DOP1A: variants seen among roughly 807,000 people sequenced by gnomAD.
DOP1A encodes DOP1 leucine zipper like protein A.
DOP1A carries 90 observed loss-of-function variants against 267.6 expected under a neutral mutation model. That is an observed-to-expected ratio of 0.34 (90% CI 0.28 to 0.40). DOP1A has a LOEUF of 0.40. DOP1A is among the 10% of genes least tolerant of loss of function. DOP1A has a pLI of 1.00. For synonymous variants in DOP1A, 932 were observed against 999.1 expected (o/e 0.93, Z 1.27); for missense variants, 2,437 against 2,900.4 (o/e 0.84, Z 3.67).
downstream of DOP1A, chr6:83,171,294 A>G (rs1481007143): frequency 6.6e-6 from 1 of 152,120 alleles, no homozygotes; most frequent in African/African-American, 2.4e-5. Flanking sequence ...ATTTATATCT[A>G]TTTTTAATTT....
intron 1 of DOP1A, among the ~76,000 whole-genome samples, chr6:83,096,255 T>G (rs1389651404): frequency 1.3e-5 from 2 of 151,586 alleles, no homozygotes; most frequent in African/African-American, 4.9e-5. Flanking sequence ...GGCTAATTTT[T>G]ATTTTTTTTA....
At chr6:83,165,121 G>A (rs576845634) in intron 38 of DOP1A, 13 of 159,156 alleles carry the variant, frequency 8.2e-5, no homozygotes, top group Non-Finnish European at 1.5e-4. Context: ...ATCTCTGTAC[G>A]CCCTTTATTG....
At chr6:83,098,110 CTT>C (rs1472534587) in intron 3 of DOP1A, among the ~76,000 whole-genome samples, 1 of 151,964 alleles carries the variant, frequency 6.6e-6, no homozygotes, top group Non-Finnish European at 1.5e-5. Flanking sequence ...GTCTTGAACT[CTT>C]GGCCTCAAAT....
rs144188690 is a variant in DOP1A, at chr6:83,160,974, C to CAT, written c.6962+1029_6962+1030dup. On this transcript the variant is annotated intron_variant, in intron 37 of 38. Coordinates refer to ENST00000349129, the MANE Select transcript of DOP1A (RefSeq NM_015018.4). ...TTAATTTTCTCTTCTACTTGAAAAC[C>CAT]ATATATATATATATATCTACTTTTT... 1.9e-3 allele frequency among the ~76,000 whole-genome samples: 289 copies of CAT among 149,568 alleles called. 1 individual carries two copies. The highest frequency in any genetic ancestry group is 4.1e-3 in the East Asian group (21 of 5,116).
chr6:83,149,396 G>A (rs999510555), intron 27 of DOP1A, among the ~76,000 whole-genome samples: 2 of 152,192 alleles, frequency 1.3e-5, no homozygotes, highest in African/African-American at 4.8e-5. Flanking sequence ...TAGGTCCCCA[G>A]TAAATACTTG....
intron 26 of DOP1A, 86 bp downstream of exon 26, chr6:83,147,377 G>C: frequency 1.5e-6 from 1 of 646,892 alleles, no homozygotes; most frequent in South Asian, 4.3e-5. Context: ...TAAGTAATGA[G>C]TGTCTTAACG....
intron 3 of DOP1A, among the ~76,000 whole-genome samples, chr6:83,100,363 A>C (rs1772353058): frequency 6.6e-6 from 1 of 152,156 alleles, no homozygotes; most frequent in Admixed American, 6.5e-5. Context: ...TCCATGTTAC[A>C]TGTTCATGTA....
intron 20 of DOP1A, among the ~76,000 whole-genome samples, chr6:83,136,118 C>T (rs1778830789): frequency 6.6e-6 from 1 of 152,056 alleles, no homozygotes; most frequent in Non-Finnish European, 1.5e-5. Context: ...AGGCACAGCT[C>T]TGATTAGAGA....
intron 7 of DOP1A, among the ~76,000 whole-genome samples, chr6:83,115,688 G>T (rs1212558753): frequency 6.6e-6 from 1 of 152,176 alleles, no homozygotes; most frequent in Admixed American, 6.5e-5. Flanking sequence ...TCGTGCCACT[G>T]CACTCCAGCC....
chr6:83,142,693 C>CA (rs1779853930), intron 24 of DOP1A, among the ~76,000 whole-genome samples: 1 of 152,042 alleles, frequency 6.6e-6, no homozygotes, highest in Non-Finnish European at 1.5e-5. Flanking sequence ...TTCATCTTGA[C>CA]TATAGTTTAC....
intron 24 of DOP1A, 143 bp downstream of exon 24, chr6:83,142,189 C>A: frequency 9.2e-7 from 1 of 1,081,192 alleles, no homozygotes; most frequent in Non-Finnish European, 1.3e-6. Context: ...TAAATTGTTG[C>A]CTTAATTTCT....
chr6:83,097,101 G>A lies in DOP1A; in HGVS notation c.124G>A (p.Gly42Arg), dbSNP rs1248823203. ...SEWADLISAL[G>R]KLNKVLQNNA... is the part of the protein sequence containing the mutation. ...ATGGGCAGATTTGATATCAGCACTT[G>A]GAAAACTTAATAAGGTATGTCTGTA... is the stretch of plus-strand genomic sequence containing the variant. Residue 42 changes from glycine (G) to arginine (R), a missense_variant, in exon 3 of 39, where the codon GGA (glycine) becomes AGA (arginine). By Grantham distance (125) the Gly-to-Arg change is moderately radical (BLOSUM62 -2). Around this residue, in one of 9 missense-constraint regions of DOP1A, gnomAD observed 251 missense variants for 359.1 expected, o/e 0.70. Coordinates refer to ENST00000349129, the MANE Select transcript of DOP1A (RefSeq NM_015018.4). The A allele has an allele frequency of 6.2e-7, 1 of 1,613,774 alleles. No homozygotes were observed. The highest frequency in any genetic ancestry group is 1.3e-5 in the African/African-American group (1 of 74,900).
intron 1 of DOP1A, among the ~76,000 whole-genome samples, chr6:83,079,737 G>A (rs970167645): frequency 5.3e-5 from 8 of 152,018 alleles, no homozygotes; most frequent in African/African-American, 1.9e-4. Flanking sequence ...CTAGTAGTAT[G>A]TTTTAGCATA....
rs1786381967 is a variant in DOP1A at position 83,168,461 on chromosome 6, T to G, written c.*294T>G. ...AAACCTGCAAAATATACACTACCCA[T>G]TTTTTTTTTCCATTGGTTTCAGACT... is the stretch of plus-strand genomic sequence containing the variant. On this transcript the variant is annotated 3_prime_UTR_variant, in exon 39 of 39. Coordinates refer to ENST00000349129, the MANE Select transcript of DOP1A (RefSeq NM_015018.4). The G allele has an allele frequency of 1.0e-6, 1 of 960,572 alleles. No individual in the cohort carries two copies. The highest frequency in any genetic ancestry group is 1.8e-5 in the African/African-American group (1 of 56,796). 59.5% of individuals were successfully genotyped at this position (960,572 alleles called of 1,614,324 possible).
Position 83,137,883 on chromosome 6 carries a change from T to C in DOP1A, c.3841T>C (p.Ser1281Pro). Reference protein sequence around the residue: ...SFKEKLSEKVSEKETIVKESG... With the variant: ...SFKEKLSEKVPEKETIVKESG... ...CAAAGAAAAATTATCAGAAAAAGTT[T>C]CGGAGAAGGAAACAATAGTTAAGGA... The change falls in exon 21 of 39, where the codon TCG becomes CCG. Residue 1281 changes from serine to proline, a missense_variant. By Grantham distance (74) the Ser-to-Pro change is moderately conservative. Transcript: ENST00000349129. The C allele has an allele frequency of 1.2e-6, 2 of 1,613,198 alleles. No homozygotes were observed. The highest frequency in any genetic ancestry group is 1.7e-6 in the Non-Finnish European group (2 of 1,179,792).
intron 38 of DOP1A, among the ~76,000 whole-genome samples, chr6:83,164,333 T>A (rs1004886276): frequency 2.0e-5 from 3 of 151,762 alleles, no homozygotes; most frequent in Non-Finnish European, 4.4e-5. Flanking sequence ...GGTCCTGAGT[T>A]CAGGGTAGGA....
downstream of DOP1A, chr6:83,169,030 G>A: frequency 3.7e-6 from 5 of 1,362,694 alleles, no homozygotes; most frequent in Non-Finnish European, 4.7e-6. Flanking sequence ...ACTGAAATTA[G>A]AGGTAAATTT....
chr6:83,083,527 A>G (rs552636319), intron 1 of DOP1A, among the ~76,000 whole-genome samples: 31 of 152,272 alleles, frequency 2.0e-4, no homozygotes, highest in African/African-American at 7.0e-4. Context: ...TGGCACCTTG[A>G]ACACTAATTG....
chr6:83,150,506 G>T (rs534663977), intron 27 of DOP1A, among the ~76,000 whole-genome samples: 1 of 152,208 alleles, frequency 6.6e-6, no homozygotes, highest in East Asian at 1.9e-4. Context: ...AGTTATACTA[G>T]AAACTTTATT....
Sources: allele counts gnomAD v4.1 joint callset (sites outside exome capture counted in the v4.1 genomes callset), GRCh38; gene constraint gnomAD v4.1.1; regional missense constraint gnomAD v4.1.1; transcripts MANE v1.5; gene names NCBI Gene and HGNC (gene_info 2026-07-23, HGNC 2026-07-21).